The following TMOD1 variants were observed in gnomAD, a reference collection of about 807,000 sequenced individuals.
TMOD1 encodes tropomodulin-1.
TMOD1 carries 17 observed loss-of-function variants against 40.6 expected under a neutral mutation model. The ratio of observed to expected loss-of-function variants is 0.42; its 90% CI spans 0.29 to 0.63. The LOEUF is 0.63. Among genes scored for constraint, TMOD1 ranks in the 20% least tolerant of loss-of-function variants. The pLI is 0.22. For missense variants in TMOD1, 391 were observed against 447.6 expected, an observed-to-expected ratio of 0.87 and a Z score of 1.14; for synonymous variants, 181 against 175.0, an observed-to-expected ratio of 1.03 and a Z score of -0.27.
intron 9 of TMOD1, among the ~76,000 whole-genome samples, chr9:97,596,903 A>C (rs970863848): frequency 4.1e-4 from 63 of 152,250 alleles, no homozygotes; most frequent in African/African-American, 1.4e-3. Flanking sequence ...CTGCCAGGGC[A>C]TCTCTAATAC....
intron 2 of TMOD1, among the ~76,000 whole-genome samples, chr9:97,538,216 A>T: frequency 6.6e-6 from 1 of 152,070 alleles, no homozygotes; most frequent in East Asian, 1.9e-4. Flanking sequence ...CCTCCTTAAA[A>T]CCTGCGCTAA....
chr9:97,551,637 A>G (rs1169173436), intron 3 of TMOD1, among the ~76,000 whole-genome samples: 1 of 152,156 alleles, frequency 6.6e-6, no homozygotes, highest in Non-Finnish European at 1.5e-5. Flanking sequence ...GAGTGCTCTA[A>G]CTTTGCTCTT....
At chr9:97,546,046 C>A (rs763964914) in intron 2 of TMOD1, 139 bp from the exon 3 acceptor site, 11 of 1,023,678 alleles carry the variant, frequency 1.1e-5, no homozygotes, top group Non-Finnish European at 1.4e-5. Flanking sequence ...ACGAGGAACA[C>A]CATGGATTCC....
At chr9:97,581,461 G>C (rs1325567096) in intron 8 of TMOD1, among the ~76,000 whole-genome samples, 1 of 152,068 alleles carries the variant, frequency 6.6e-6, no homozygotes, top group African/African-American at 2.4e-5. Flanking sequence ...ACATACGTGT[G>C]CAGGTGTCTT....
intron 2 of TMOD1, among the ~76,000 whole-genome samples, chr9:97,524,685 C>T (rs1829977442): frequency 6.6e-6 from 1 of 152,014 alleles, no homozygotes; most frequent in Non-Finnish European, 1.5e-5. Context: ...AACCAGCAGG[C>T]CGAAGACCCA....
chr9:97,566,994 AT>A (rs1830739055), intron 7 of TMOD1, among the ~76,000 whole-genome samples: 1 of 152,380 alleles, frequency 6.6e-6, no homozygotes, highest in African/African-American at 2.4e-5. Context: ...GCAAAGCTAG[AT>A]TCCTGCAAGA....
At chr9:97,519,551 G>T (rs959760941) in intron 1 of TMOD1, among the ~76,000 whole-genome samples, 3 of 152,158 alleles carry the variant, frequency 2.0e-5, no homozygotes, top group African/African-American at 7.2e-5. Flanking sequence ...CCCCCTTCCT[G>T]CCCATCCCTC....
chr9:97,527,960 C>T (rs1027697199), intron 2 of TMOD1, among the ~76,000 whole-genome samples: 1 of 152,210 alleles, frequency 6.6e-6, no homozygotes, highest in Non-Finnish European at 1.5e-5. Context: ...GGGTCAGAGC[C>T]AAGCGACAGA....
chr9:97,580,015 C>A (rs1825708618), intron 8 of TMOD1, among the ~76,000 whole-genome samples: 1 of 152,108 alleles, frequency 6.6e-6, no homozygotes, highest in Non-Finnish European at 1.5e-5. Context: ...CAGAGATAAA[C>A]AGGCCGAGTA....
At chr9:97,569,096 T>C (rs1373162993) in intron 8 of TMOD1, 59 bp downstream of exon 8, 6 of 1,591,594 alleles carry the variant, frequency 3.8e-6, no homozygotes, top group African/African-American at 1.3e-5. Flanking sequence ...TGGCCTGCAG[T>C]GTTTCCCATG....
At chr9:97,546,148 T>TTC (rs1026645643) in intron 2 of TMOD1, 37 bp from the exon 3 acceptor site, 3 of 1,571,724 alleles carry the variant, frequency 1.9e-6, no homozygotes, top group African/African-American at 1.4e-5. Flanking sequence ...CTCTCTCTCT[T>TTC]TCTCTCTCTC....
intron 6 of TMOD1, 112 bp from the exon 7 acceptor site, chr9:97,565,736 T>G (rs1830717067): frequency 1.2e-6 from 1 of 832,528 alleles, no homozygotes; most frequent in African/African-American, 1.7e-5. Context: ...CCCATTCAGC[T>G]TTTTGGCCAG....
Position 97,593,352 on chromosome 9 carries a change from C to T in TMOD1, c.1015+1917C>T, listed in dbSNP as rs541783835. ...TCCAAAATTCAGGCCTGACTCCCAT[C>T]ACCAAGAACTTTCAGAGGCCATTGT... On this transcript the variant is annotated intron_variant, in intron 9 of 9. Transcript: ENST00000259365. 2.6e-5 allele frequency among the ~76,000 whole-genome samples: 4 copies of T among 152,278 alleles called. No individual in the cohort carries two copies. In the East Asian group the frequency reaches 7.7e-4, roughly 29 times the overall value.
In TMOD1 at chr9:97,574,545, G is replaced by A. The variant is rs377763479; in HGVS notation, c.870+5508G>A. 3.4e-4 allele frequency among the ~76,000 whole-genome samples: 52 copies of A among 152,370 alleles called. 1 individual carries two copies. In the East Asian group the frequency reaches 9.5e-3, roughly 28 times the overall value. On this transcript the variant is annotated intron_variant, in intron 8 of 9. Coordinates refer to ENST00000259365, the MANE Select transcript of TMOD1 (RefSeq NM_003275.4). Reference sequence around the variant, plus strand: ...CGCCCAGTCCCATCAACCACCCAAGGGCTGAGGAGTGCGGGCGCAGGGCGC... The same window carrying A: ...CGCCCAGTCCCATCAACCACCCAAGAGCTGAGGAGTGCGGGCGCAGGGCGC...
chr9:97,548,956 C>T (rs954650941), intron 3 of TMOD1, among the ~76,000 whole-genome samples: 4 of 152,170 alleles, frequency 2.6e-5, no homozygotes, highest in Non-Finnish European at 5.9e-5. Context: ...GCACTTCCCC[C>T]ACACCAGGCC....
intron 9 of TMOD1, among the ~76,000 whole-genome samples, chr9:97,595,188 A>G (rs993003586): frequency 2.6e-5 from 4 of 152,286 alleles, no homozygotes; most frequent in African/African-American, 9.6e-5. Flanking sequence ...AAATTAAATT[A>G]AGTGAATTAG....
chr9:97,584,909 A>T (rs1224586833), intron 8 of TMOD1, among the ~76,000 whole-genome samples: 3 of 152,102 alleles, frequency 2.0e-5, no homozygotes, highest in Non-Finnish European at 2.9e-5. Context: ...TCTGCAAGTG[A>T]GATGGGTTTC....
intron 8 of TMOD1, among the ~76,000 whole-genome samples, chr9:97,581,259 C>T (rs895889188): frequency 7.1e-6 from 1 of 141,230 alleles, no homozygotes; most frequent in African/African-American, 2.7e-5. Flanking sequence ...GTTTTTTGTT[C>T]TTGCGATAGT....
At chr9:97,509,398 G>A (rs1026829018) in intron 1 of TMOD1, among the ~76,000 whole-genome samples, 1 of 152,000 alleles carries the variant, frequency 6.6e-6, no homozygotes, top group African/African-American at 2.4e-5. Context: ...CTCAAGGATG[G>A]TGTTAATAGT....
Sources: allele counts gnomAD v4.1 joint callset (sites outside exome capture counted in the v4.1 genomes callset), GRCh38; gene constraint gnomAD v4.1.1; transcripts MANE v1.5; gene names NCBI Gene and HGNC (gene_info 2026-07-23, HGNC 2026-07-21).